Variants in NTM observed in about 807,000 individuals in gnomAD.
NTM encodes the protein IgLON family member 2.
Under a neutral mutation model 42.1 loss-of-function variants are expected in NTM, and 13 were observed. The observed-to-expected ratio is 0.31, with a 90% CI of 0.20 to 0.49. The LOEUF (loss-of-function observed/expected upper bound fraction) is 0.49. Among genes scored for constraint, NTM ranks in the 20% least tolerant of loss-of-function variants. The probability of loss-of-function intolerance (pLI) is 0.99; values close to 1 mark genes in which losing one functional copy is unlikely to be tolerated. For missense variants in NTM, 373 were observed against 452.8 expected, an observed-to-expected ratio of 0.82 and a Z score of 1.60; for synonymous variants, 187 against 179.2, an observed-to-expected ratio of 1.04 and a Z score of -0.35.
At chr11:131,885,276 C>A (rs879296681) in intron 1 of NTM, among the ~76,000 whole-genome samples, 1 of 152,130 alleles carries the variant, frequency 6.6e-6, no homozygotes, top group African/African-American at 2.4e-5. Context: ...GGGCTTCCAG[C>A]TGGAGAGGAA....
chr11:131,846,357 C>T (rs958267974), intron 1 of NTM, among the ~76,000 whole-genome samples: 1 of 152,068 alleles, frequency 6.6e-6, no homozygotes, highest in East Asian at 1.9e-4. Context: ...TTTTCTAAGT[C>T]AGTAGTTTCT....
intron 1 of NTM, chr11:131,535,347 T>G (rs2052010642): frequency 1.3e-5 from 2 of 152,052 alleles, no homozygotes; most frequent in Admixed American, 1.3e-4. Context: ...AAATCAATAA[T>G]ATGGGAAATG....
intron 2 of NTM, among the ~76,000 whole-genome samples, chr11:132,076,043 C>A (rs140820580): frequency 1.3e-5 from 2 of 152,164 alleles, no homozygotes; most frequent in African/African-American, 4.8e-5. Flanking sequence ...TTACTCCATA[C>A]ATTTCATGCT....
intron 1 of NTM, among the ~76,000 whole-genome samples, chr11:131,464,364 G>C (rs1043729371): frequency 5.9e-5 from 9 of 151,976 alleles, no homozygotes; most frequent in African/African-American, 9.7e-5. Context: ...AAAGCTGGGG[G>C]GGGGGCAGCA....
rs150330770 is a variant in NTM at position 132,168,032 on chromosome 11, C to T, written c.400+21518C>T. ...TTTCCTGCAGCTCAAAAATGTTTTG[C>T]GATCCACATAGGAATCAGAGGACCC... On this transcript the variant is annotated intron_variant, in intron 3 of 8. Transcript: ENST00000683400. Among the ~76,000 whole-genome samples, 7 of 152,264 alleles carry T rather than the reference C, an allele frequency of 4.6e-5. No homozygotes were observed. The East Asian group carries it at 9.6e-4, about 21-fold the overall frequency.
chr11:131,640,156 C>T (rs1173084986), intron 1 of NTM, among the ~76,000 whole-genome samples: 1 of 152,020 alleles, frequency 6.6e-6, no homozygotes, highest in Non-Finnish European at 1.5e-5. Context: ...GGTTCTGTAA[C>T]CTCCTTGCAG....
At chr11:132,192,498 A>G (rs1183706450) in intron 3 of NTM, among the ~76,000 whole-genome samples, 4 of 152,214 alleles carry the variant, frequency 2.6e-5, no homozygotes, top group Non-Finnish European at 4.4e-5. Context: ...CTACTTCACA[A>G]GAGTTCCTAA....
At chr11:132,054,088 GT>G (rs1366486850) in intron 2 of NTM, among the ~76,000 whole-genome samples, 7 of 152,198 alleles carry the variant, frequency 4.6e-5, no homozygotes, top group Admixed American at 2.0e-4. Context: ...GGTGACACAC[GT>G]CTATAGTCCC....
intron 2 of NTM, among the ~76,000 whole-genome samples, chr11:132,044,720 A>G (rs916623662): frequency 6.6e-6 from 1 of 152,152 alleles, no homozygotes; most frequent in African/African-American, 2.4e-5. Context: ...GCACAACTCC[A>G]TGGGACACTG....
chr11:131,784,808 AATCT>A (rs1298483162), intron 1 of NTM, among the ~76,000 whole-genome samples: 5 of 152,306 alleles, frequency 3.3e-5, no homozygotes, highest in East Asian at 1.9e-4. Context: ...AATCGTTCTA[AATCT>A]ATCTTTTTAG....
intron 1 of NTM, among the ~76,000 whole-genome samples, chr11:131,442,008 A>G (rs10894391): frequency 0.41 from 61,583 of 152,024 alleles, 13,343 homozygotes; most frequent in Non-Finnish European, 0.5. Flanking sequence ...TAGATGCACC[A>G]CTCCTCAGAT....
rs139803120 is a variant in NTM at position 132,297,678 on chromosome 11, T to C, written c.527-10011T>C. On this transcript the variant is annotated intron_variant, in intron 4 of 8. Coordinates refer to ENST00000683400, the MANE Select transcript of NTM (RefSeq NM_001352005.2). ...GCTTCCCCGTGGAGTGATGTTCTTT[T>C]GCCTATCATCATCTACATTTTTGCG... 6.9e-3 allele frequency among the ~76,000 whole-genome samples: 1,049 copies of C among 152,328 alleles called. 13 individuals carry two copies. Among genetic ancestry groups the C allele is most frequent in the African/African-American group, 0.024 (1,003 of 41,574 alleles).
At chr11:131,371,352 C>T (rs1355907925) in intron 1 of NTM, among the ~76,000 whole-genome samples, 2 of 152,154 alleles carry the variant, frequency 1.3e-5, no homozygotes, top group Non-Finnish European at 2.9e-5. Flanking sequence ...AAAATGCAGG[C>T]TAGAAAGAAT....
At chr11:132,193,443 T>TAA (rs533943486) in intron 3 of NTM, among the ~76,000 whole-genome samples, 96 of 151,366 alleles carry the variant, frequency 6.3e-4, no homozygotes, top group African/African-American at 2.2e-3. Flanking sequence ...AATAAAAAAA[T>TAA]AAAAACAATT....
chr11:131,519,205 C>A (rs2049281051), intron 1 of NTM, among the ~76,000 whole-genome samples: 1 of 152,202 alleles, frequency 6.6e-6, no homozygotes, highest in South Asian at 2.1e-4. Context: ...CTCTCTTATT[C>A]CCTTCCACTG....
chr11:131,538,068 T>C (rs959179046), intron 1 of NTM: 1 of 152,250 alleles, frequency 6.6e-6, no homozygotes, highest in African/African-American at 2.4e-5. Context: ...CACTATTTTC[T>C]CTGGCTTTTA....
chr11:131,811,105 ATGT>A (rs1165432165), intron 1 of NTM, among the ~76,000 whole-genome samples: 1 of 152,266 alleles, frequency 6.6e-6, no homozygotes, highest in South Asian at 2.1e-4. Flanking sequence ...TAGGAATGGG[ATGT>A]TGTTATGGCT....
intron 2 of NTM, among the ~76,000 whole-genome samples, chr11:132,104,609 G>GTAATAATAA (rs147673814): frequency 0.013 from 1,873 of 146,262 alleles, 42 homozygotes; most frequent in African/African-American, 0.041. Flanking sequence ...ATAACTAATA[G>GTAATAATAA]TAATAATCAT....
At chr11:132,110,930 G>A (rs1231061830) in intron 2 of NTM, among the ~76,000 whole-genome samples, 2 of 150,830 alleles carry the variant, frequency 1.3e-5, no homozygotes, top group East Asian at 3.9e-4. Flanking sequence ...AAAAGGCATG[G>A]TGATGTGTGC....
Sources: gnomAD v4.1 joint callset for allele counts (sites outside exome capture counted in the v4.1 genomes callset) on GRCh38, gnomAD v4.1.1 for gene constraint, MANE v1.5 for transcripts, NCBI Gene and HGNC (gene_info 2026-07-23, HGNC 2026-07-21) for gene names.